Variants in MKLN1 observed in about 807,000 individuals in gnomAD.
MKLN1 encodes the protein muskelin 1, also known as muskelin.
A neutral mutation model predicts 99.0 loss-of-function variants in MKLN1; 18 were observed. The ratio of observed to expected loss-of-function variants is 0.18; its 90% CI spans 0.13 to 0.27. The LOEUF is 0.27. Ranked by LOEUF, MKLN1 falls within the 10% of genes least tolerant of loss-of-function variation. The probability of loss-of-function intolerance (pLI) is 1.00; values close to 1 mark genes in which losing one functional copy is unlikely to be tolerated. For synonymous variants in MKLN1, 288 were observed against 293.2 expected, an observed-to-expected ratio of 0.98 and a Z score of 0.18; for missense variants, 621 against 875.9, an observed-to-expected ratio of 0.71 and a Z score of 3.67.
At chr7:131,150,769 A>C (rs1795877801) in intron 2 of MKLN1, among the ~76,000 whole-genome samples, 1 of 152,024 alleles carries the variant, frequency 6.6e-6, no homozygotes, top group Admixed American at 6.6e-5. Flanking sequence ...CTACATTCAG[A>C]GCAAAAAAGT....
intron 4 of MKLN1, among the ~76,000 whole-genome samples, chr7:131,389,253 G>A (rs908916526): frequency 2.6e-5 from 4 of 151,940 alleles, no homozygotes; most frequent in South Asian, 2.1e-4. Flanking sequence ...TTACTAAGTG[G>A]CAGTTATTTC....
chr7:131,309,946 T>G (rs557411360), intron 3 of MKLN1: 73 of 151,680 alleles, frequency 4.8e-4, no homozygotes, highest in African/African-American at 1.5e-3. Context: ...AGGATGGTCT[T>G]GATCTCCTCA....
chr7:131,241,433 G>A (rs1797401406), intron 3 of MKLN1, among the ~76,000 whole-genome samples: 1 of 150,814 alleles, frequency 6.6e-6, no homozygotes, highest in African/African-American at 2.4e-5. Context: ...CAGCCCAGGG[G>A]CGGTGGCTCA....
At chr7:131,397,149 T>C (rs536370261) in intron 4 of MKLN1, 118 bp from the exon 5 acceptor site, 1 of 645,850 alleles carries the variant, frequency 1.5e-6, no homozygotes, top group African/African-American at 1.8e-5. Context: ...ATATAAAAGA[T>C]GCCCAGAAAA....
At chr7:131,465,235 A>C (rs1796624442) in intron 14 of MKLN1, among the ~76,000 whole-genome samples, 1 of 152,104 alleles carries the variant, frequency 6.6e-6, no homozygotes, top group African/African-American at 2.4e-5. Context: ...ACTAATTGTA[A>C]TTAAAATATT....
intron 3 of MKLN1, among the ~76,000 whole-genome samples, chr7:131,301,869 G>A (rs1216035270): frequency 6.6e-6 from 1 of 152,176 alleles, no homozygotes; most frequent in Non-Finnish European, 1.5e-5. Flanking sequence ...GGTGGAGATA[G>A]AAGCTATCCC....
At chr7:131,440,768 AAC>A (rs1795814201) in intron 10 of MKLN1, among the ~76,000 whole-genome samples, 1 of 152,176 alleles carries the variant, frequency 6.6e-6, no homozygotes, top group Non-Finnish European at 1.5e-5. Context: ...CAATGGAAAA[AAC>A]AAATATTTAT....
chr7:131,486,292 A>C (rs1008989775), intron 17 of MKLN1, among the ~76,000 whole-genome samples: 7 of 151,916 alleles, frequency 4.6e-5, no homozygotes, highest in Non-Finnish European at 8.8e-5. Flanking sequence ...GGAAGACTCT[A>C]ATCTCACCGT....
intron 3 of MKLN1, among the ~76,000 whole-genome samples, chr7:131,231,878 C>CG (rs1797249009): frequency 6.6e-6 from 1 of 152,172 alleles, no homozygotes; most frequent in Admixed American, 6.5e-5. Context: ...TGCTGAAGAA[C>CG]CACAAATGTC....
intron 2 of MKLN1, among the ~76,000 whole-genome samples, chr7:131,150,454 T>A (rs1204900662): frequency 1.3e-5 from 2 of 152,042 alleles, no homozygotes; most frequent in Non-Finnish European, 2.9e-5. Context: ...ACCACTGCAC[T>A]CCAGCTTGGG....
At chr7:131,210,685 C>A (rs62471968) in intron 3 of MKLN1, among the ~76,000 whole-genome samples, 17,463 of 87,966 alleles carry the variant, frequency 0.2, 2,135 homozygotes, top group Non-Finnish European at 0.26. Flanking sequence ...CCTGGGAGAT[C>A]GACTGAGACC....
At position 131,494,444 on chromosome 7, in the gene MKLN1, CAA is replaced by C. The variant is rs1197892495; in HGVS notation, c.*6717_*6718del. 1 of 152,020 alleles carries C rather than the reference CAA, an allele frequency of 6.6e-6. No homozygotes were observed. The highest frequency in any genetic ancestry group is 1.5e-5 in the Non-Finnish European group (1 of 68,028). 9.4% of individuals were successfully genotyped at this position (152,020 alleles called of 1,614,324 possible). On this transcript the variant is annotated 3_prime_UTR_variant, in exon 18 of 18. Coordinates refer to ENST00000352689, the MANE Select transcript of MKLN1 (RefSeq NM_013255.5). ...TGTAGTGTGTTGCCTCAAATAATAC[CAA>C]GTTATAAATAATACCAAGTAATTAT...
rs753652370 is a variant in MKLN1 at position 131,443,544 on chromosome 7, G to A, written c.1237G>A (p.Gly413Ser). 6.2e-7 allele frequency: 1 copy of A among 1,614,090 alleles called. No individual in the cohort carries two copies. The highest frequency in any genetic ancestry group is 8.5e-7 in the Non-Finnish European group (1 of 1,179,966). ...TFGGRILTCN[G>S]SVDDSRASEP... is the part of the protein sequence containing the mutation. ...TGGTGGTAGAATTTTGACTTGTAAT[G>A]GCAGCGTAGATGACAGCAGAGCCAG... Residue 413 changes from glycine to serine, a missense_variant, in exon 11 of 18, where the codon GGC (glycine) becomes AGC (serine). Physicochemically the swap from Gly to Ser is moderately conservative, Grantham distance 56 (BLOSUM62 0). Transcript: ENST00000352689.
At position 131,393,879 on chromosome 7, in the gene MKLN1, G is replaced by A. The variant is rs569400382; in HGVS notation, c.401-3388G>A. Among the ~76,000 whole-genome samples, 6 of 151,886 alleles carry A rather than the reference G, an allele frequency of 4.0e-5. No homozygotes were observed. In the South Asian group the frequency reaches 8.3e-4, roughly 21 times the overall value. On this transcript the variant is annotated intron_variant, in intron 4 of 17. Coordinates refer to ENST00000352689, the MANE Select transcript of MKLN1 (RefSeq NM_013255.5). ...GGGCTCAAATGATCCTCTTGCTTCT[G>A]CCTCCCAAAGTGTTGGGATTACAGA...
chr7:131,216,746 T>C (rs751558222), intron 3 of MKLN1, among the ~76,000 whole-genome samples: 19 of 152,200 alleles, frequency 1.2e-4, no homozygotes, highest in Non-Finnish European at 1.8e-4. Flanking sequence ...ACCTGGGTAA[T>C]GGGAATGGAG....
chr7:131,260,279 A>T (rs970168819), intron 3 of MKLN1, among the ~76,000 whole-genome samples: 1 of 152,092 alleles, frequency 6.6e-6, no homozygotes, highest in South Asian at 2.1e-4. Flanking sequence ...TCCTGAGCTC[A>T]AGCAATCCAT....
chr7:131,265,663 TTCCAGGTTC>T (rs1434284177), intron 3 of MKLN1, among the ~76,000 whole-genome samples: 3 of 152,188 alleles, frequency 2.0e-5, no homozygotes, highest in African/African-American at 7.2e-5. Context: ...CCAGCTTCCG[TTCCAGGTTC>T]TCCAGGCTCT....
chr7:131,123,787 C>CA (rs5887494), intron 1 of MKLN1, among the ~76,000 whole-genome samples: 13,969 of 144,014 alleles, frequency 0.097, 760 homozygotes, highest in Admixed American at 0.17. Flanking sequence ...GACTCTGTCT[C>CA]AAAAAAAAAA....
At chr7:131,457,235 C>G (rs1471753368) in intron 12 of MKLN1, among the ~76,000 whole-genome samples, 3 of 151,620 alleles carry the variant, frequency 2.0e-5, no homozygotes, top group Non-Finnish European at 4.4e-5. Context: ...TGAAACTGTG[C>G]CATTGCACTC....
Sources: gnomAD v4.1 joint callset for allele counts (sites outside exome capture counted in the v4.1 genomes callset) on GRCh38, gnomAD v4.1.1 for gene constraint, MANE v1.5 for transcripts, NCBI Gene and HGNC (gene_info 2026-07-23, HGNC 2026-07-21) for gene names.